Variants in TENM3 observed in about 807,000 individuals in gnomAD.
TENM3 encodes the protein teneurin-3.
TENM3 carries 63 observed loss-of-function variants against 255.1 expected under a neutral mutation model. The observed-to-expected ratio is 0.25, with a 90% CI of 0.20 to 0.30. The LOEUF (loss-of-function observed/expected upper bound fraction) is 0.30, where lower values mean the gene tolerates loss of function less well. Ranked by LOEUF, TENM3 falls within the 10% of genes least tolerant of loss-of-function variation. The probability of loss-of-function intolerance (pLI) is 1.00; values close to 1 mark genes in which losing one functional copy is unlikely to be tolerated. For missense variants in TENM3, 2,929 were observed against 3,461.1 expected (o/e 0.85, Z 3.86); for synonymous variants, 1,306 against 1,322.3 (o/e 0.99, Z 0.27).
Position 182,680,441 on chromosome 4 carries a change from G to T in TENM3, c.1639+92G>T, listed in dbSNP as rs11934254. ...AACTACCGAGACAGGAAAGAAAGGG[G>T]GGGGGAGACTGGCATATTGCTTGTT... On this transcript the variant is annotated intron_variant, in intron 9 of 27. Transcript: ENST00000511685. 4.4e-5 allele frequency: 61 copies of T among 1,401,808 alleles called. No homozygotes were observed. The African/African-American group carries it at 8.3e-4, about 19-fold the overall frequency. 86.8% of individuals were successfully genotyped at this position (1,401,808 alleles called of 1,614,324 possible). A position where few individuals can be genotyped will look rare whatever the true frequency, so the allele number is the denominator to read the frequency against.
At chr4:182,773,883 A>G in intron 23 of TENM3, 1 of 359,426 alleles carries the variant, frequency 2.8e-6, no homozygotes, top group East Asian at 4.5e-5. Flanking sequence ...ATTCCCATGT[A>G]TTAAAACAAC....
chr4:182,161,473 A>C (rs1751179708), intron 1 of TENM3, among the ~76,000 whole-genome samples: 1 of 139,568 alleles, frequency 7.2e-6, no homozygotes, highest in East Asian at 2.1e-4. Context: ...TGTAATCCCA[A>C]CTACTCGGGA....
the TENM3 span, among the ~76,000 whole-genome samples, chr4:181,962,057 C>T: frequency 1.3e-5 from 2 of 152,168 alleles, no homozygotes; most frequent in Non-Finnish European, 2.9e-5. Flanking sequence ...GTGAGATTAT[C>T]ATTTTTATCA....
the TENM3 span, among the ~76,000 whole-genome samples, chr4:181,585,757 G>A: frequency 3.9e-5 from 6 of 152,012 alleles, no homozygotes; most frequent in East Asian, 1.9e-4. Flanking sequence ...CTCTATAATC[G>A]ACTCTCAACC....
the TENM3 span, among the ~76,000 whole-genome samples, chr4:181,448,607 A>G: frequency 3.9e-5 from 6 of 152,236 alleles, no homozygotes; most frequent in African/African-American, 1.4e-4. Context: ...TACGTGAAGG[A>G]AAATCTGTTG....
At chr4:181,689,837 G>A in the TENM3 span, among the ~76,000 whole-genome samples, 1 of 152,028 alleles carries the variant, frequency 6.6e-6, no homozygotes, top group Non-Finnish European at 1.5e-5. Flanking sequence ...CATGGAGGTC[G>A]GTTACGGATA....
the TENM3 span, among the ~76,000 whole-genome samples, chr4:181,601,642 A>G: frequency 6.6e-6 from 1 of 152,164 alleles, no homozygotes; most frequent in South Asian, 2.1e-4. Flanking sequence ...TCAGCAATTC[A>G]ATTTTAAATA....
At chr4:182,164,304 A>G (rs949194753) in intron 1 of TENM3, among the ~76,000 whole-genome samples, 10 of 152,296 alleles carry the variant, frequency 6.6e-5, no homozygotes, top group African/African-American at 1.2e-4. Context: ...CTGTCCATCA[A>G]GTTACCAAGC....
intron 3 of TENM3, among the ~76,000 whole-genome samples, chr4:182,440,050 G>A (rs1772342063): frequency 6.6e-6 from 1 of 151,108 alleles, no homozygotes; most frequent in Non-Finnish European, 1.5e-5. Flanking sequence ...TAGGGAACCA[G>A]GTTAGTAAAT....
chr4:182,140,086 A>AT (rs964144409), upstream of TENM3, among the ~76,000 whole-genome samples: 7 of 152,148 alleles, frequency 4.6e-5, no homozygotes, highest in Non-Finnish European at 8.8e-5. Context: ...GGGATAAGTT[A>AT]TTTTTTTGCC....
chr4:182,119,631 T>G, the TENM3 span, among the ~76,000 whole-genome samples: 10 of 152,132 alleles, frequency 6.6e-5, no homozygotes, highest in African/African-American at 2.4e-4. Context: ...TCATTCAGTG[T>G]TTTTTTCTTG....
chr4:181,822,539 A>G, the TENM3 span, among the ~76,000 whole-genome samples: 1 of 152,228 alleles, frequency 6.6e-6, no homozygotes, highest in East Asian at 1.9e-4. Context: ...ACTAAAATAT[A>G]AATAAAAGCT....
At chr4:182,000,512 C>T in the TENM3 span, among the ~76,000 whole-genome samples, 2 of 152,072 alleles carry the variant, frequency 1.3e-5, no homozygotes, top group Non-Finnish European at 2.9e-5. Flanking sequence ...TCTACTTATC[C>T]CTTGCAAGCA....
intron 1 of TENM3, among the ~76,000 whole-genome samples, chr4:182,288,367 C>A (rs536514742): frequency 2.0e-4 from 31 of 152,228 alleles, no homozygotes; most frequent in Middle Eastern, 3.4e-3. Context: ...CCCAGCACCT[C>A]CTTTTCTTTT....
chr4:182,095,007 G>A, the TENM3 span, among the ~76,000 whole-genome samples: 1 of 151,630 alleles, frequency 6.6e-6, no homozygotes, highest in South Asian at 2.1e-4. Flanking sequence ...GGATTCAAGA[G>A]AAAGTGACCA....
At chr4:181,983,296 T>C in the TENM3 span, among the ~76,000 whole-genome samples, 2 of 152,132 alleles carry the variant, frequency 1.3e-5, no homozygotes, top group East Asian at 1.9e-4. Context: ...GTGAAAAATC[T>C]TGTGACCTAA....
chr4:181,595,444 A>ACAAAAAAAAAC, the TENM3 span, among the ~76,000 whole-genome samples: 844 of 129,376 alleles, frequency 6.5e-3, 11 homozygotes, highest in African/African-American at 0.012. Flanking sequence ...AAAAAAAAAA[A>ACAAAAAAAAAC]AAAAAAAAAA....
At chr4:182,449,055 C>A (rs1430060639) in intron 3 of TENM3, 1 of 358,088 alleles carries the variant, frequency 2.8e-6, no homozygotes, top group Non-Finnish European at 5.7e-6. Context: ...CGGTTCCTCA[C>A]GGCCACAGCG....
the TENM3 span, among the ~76,000 whole-genome samples, chr4:181,657,614 A>G: frequency 6.6e-6 from 1 of 152,210 alleles, no homozygotes; most frequent in Non-Finnish European, 1.5e-5. Context: ...CAGAGCTACC[A>G]CTTGACCCAG....
Sources: allele counts gnomAD v4.1 joint callset (sites outside exome capture counted in the v4.1 genomes callset), GRCh38; gene constraint gnomAD v4.1.1; transcripts MANE v1.5; gene names NCBI Gene and HGNC (gene_info 2026-07-23, HGNC 2026-07-21).